RNF157: variants seen among roughly 807,000 people sequenced by gnomAD.
The protein encoded by RNF157 is ring finger protein 157.
A neutral mutation model predicts 88.3 loss-of-function variants in RNF157; 55 were observed. The observed-to-expected ratio is 0.62, with a 90% CI of 0.50 to 0.78. The LOEUF (loss-of-function observed/expected upper bound fraction) is 0.78. Ranked by LOEUF, RNF157 falls within the 30% of genes least tolerant of loss-of-function variation. The probability of loss-of-function intolerance (pLI) is 0.00; values close to 1 mark genes in which losing one functional copy is unlikely to be tolerated. For synonymous variants in RNF157, 334 were observed against 341.2 expected, an observed-to-expected ratio of 0.98 and a Z score of 0.23; for missense variants, 788 against 860.8, an observed-to-expected ratio of 0.92 and a Z score of 1.06.
chr17:76,159,654 A>C, intron 11 of RNF157, 81 bp from the exon 12 acceptor site: 5 of 1,012,170 alleles, frequency 4.9e-6, no homozygotes, highest in Non-Finnish European at 7.6e-6. Context: ...CTCTACACTG[A>C]AAAAAATGTT....
chr17:76,159,218 G>T, intron 12 of RNF157, 117 bp downstream of exon 12: 1 of 851,544 alleles, frequency 1.2e-6, no homozygotes, highest in Non-Finnish European at 1.9e-6. Flanking sequence ...GCAGCTCTGG[G>T]AACAGCCCAG....
chr17:76,202,122 T>TCA (rs2069590698), intron 2 of RNF157, among the ~76,000 whole-genome samples: 1 of 139,688 alleles, frequency 7.2e-6, no homozygotes, highest in African/African-American at 2.9e-5. Context: ...TCTCTCTCTC[T>TCA]CTCTCTCACA....
chr17:76,187,604 T>G (rs1258145644), intron 2 of RNF157, among the ~76,000 whole-genome samples: 1 of 151,920 alleles, frequency 6.6e-6, no homozygotes, highest in Non-Finnish European at 1.5e-5. Context: ...ATTTATTTAT[T>G]TTTTTCTGAG....
Position 76,161,641 on chromosome 17 carries a change from C to G in RNF157, c.959G>C (p.Arg320Pro). The change falls in exon 11 of 19, where the codon CGG becomes CCG. Residue 320 changes from arginine (R) to proline (P), a missense_variant. By Grantham distance (103) the Arg-to-Pro change is moderately radical (BLOSUM62 -2). Coordinates refer to ENST00000269391, the MANE Select transcript of RNF157 (RefSeq NM_052916.3). The surrounding 1 kb of genome is among the most constrained non-coding windows in gnomAD (Gnocchi z 4.6). ...CATGGCTCGGATCTGAAGCAGTGCC[C>G]GGAAGGCTGTGAAGGAGAAAACAGG... ...NNCPICRLPF[R>P]ALLQIRAMRK... 6.2e-7 allele frequency: 1 copy of G among 1,613,530 alleles called. No individual in the cohort carries two copies. The highest frequency in any genetic ancestry group is 8.5e-7 in the Non-Finnish European group (1 of 1,179,656).
chr17:76,146,415 A>G lies in RNF157; in HGVS notation c.1922-1062T>C, dbSNP rs1448964654. 1 of 985,392 alleles carries G rather than the reference A, an allele frequency of 1.0e-6. No homozygotes were observed. The highest frequency in any genetic ancestry group is 1.7e-5 in the African/African-American group (1 of 57,194). 61.0% of individuals were successfully genotyped at this position (985,392 alleles called of 1,614,324 possible). A position where few individuals can be genotyped will look rare whatever the true frequency, so the allele number is the denominator to read the frequency against. ...CGCCTCTCCCCTGGGAGTCCTCTTC[A>G]TCTCCTGCCCACAGATGAGCTCCTC... is the stretch of plus-strand genomic sequence containing the variant. On this transcript the variant is annotated intron_variant, in intron 18 of 18. Coordinates refer to ENST00000269391, the MANE Select transcript of RNF157 (RefSeq NM_052916.3). The surrounding 1 kb of genome is among the most constrained non-coding windows in gnomAD (Gnocchi z 4.2).
At chr17:76,234,894 C>A (rs2070255492) in intron 1 of RNF157, among the ~76,000 whole-genome samples, 1 of 152,022 alleles carries the variant, frequency 6.6e-6, no homozygotes. Context: ...TTGCTCATCC[C>A]AGCATCATTT....
In RNF157 at chr17:76,166,919, C is replaced by T. The variant is rs1056218206; in HGVS notation, c.561+90G>A. ...AAGGTAAGCATGGCCTTCAAGCATC[C>T]GAGCAGCCCCTTTGCTGTCAGACCG... On this transcript the variant is annotated intron_variant, in intron 5 of 18. Transcript: ENST00000269391. 6 of 807,778 alleles carry T rather than the reference C, an allele frequency of 7.4e-6. 1 individual carries two copies. Among genetic ancestry groups the T allele is most frequent in the South Asian group, 5.0e-5 (3 of 60,236 alleles). 50.0% of individuals were successfully genotyped at this position (807,778 alleles called of 1,614,324 possible).
At chr17:76,188,946 G>A (rs2069338086) in intron 2 of RNF157, among the ~76,000 whole-genome samples, 1 of 152,064 alleles carries the variant, frequency 6.6e-6, no homozygotes, top group Non-Finnish European at 1.5e-5. Flanking sequence ...CTATAATCCT[G>A]GTCTTTTGAT....
At chr17:76,232,986 T>A (rs2070220001) in intron 1 of RNF157, among the ~76,000 whole-genome samples, 1 of 151,986 alleles carries the variant, frequency 6.6e-6, no homozygotes, top group African/African-American at 2.4e-5. Context: ...AGTGGCCCAG[T>A]CTCCGCTCAC....
rs1320001881 is a variant in RNF157 at position 76,159,460 on chromosome 17, G to A, written c.1179C>T (p.His393=). The A allele has an allele frequency of 6.2e-7, 1 of 1,611,960 alleles. No homozygotes were observed. The highest frequency in any genetic ancestry group is 8.5e-7 in the Non-Finnish European group (1 of 1,179,260). Reference sequence around the variant, plus strand: ...CATATGAAGGGAGCATTCCTGAGAGGTGGCCATCTCCAAGCACGTGAAGTG... The same window carrying A: ...CATATGAAGGGAGCATTCCTGAGAGATGGCCATCTCCAAGCACGTGAAGTG... ...VPPLHVLGDG[H]LSGMLPSYGS... Residue 393 remains histidine, a synonymous_variant, in exon 12 of 19, where the codon CAC becomes CAT. Transcript: ENST00000269391.
rs752606884 is a variant in RNF157 at position 76,164,797 on chromosome 17, T to C, written c.673-2A>G. The C allele has an allele frequency of 6.2e-7, 1 of 1,610,024 alleles. No homozygotes were observed. The highest frequency in any genetic ancestry group is 1.1e-5 in the South Asian group (1 of 90,808). On this transcript the variant is annotated splice_acceptor_variant, in intron 7 of 18. Coordinates refer to ENST00000269391, the MANE Select transcript of RNF157 (RefSeq NM_052916.3). LOFTEE classifies it high-confidence loss of function. ...GACACAGAAAGTTCCATCTGTGTGC[T>C]GGAATGAAAATATGAAAGTTATGAC...
At chr17:76,226,774 C>CA (rs1394161492) in intron 1 of RNF157, 10 of 1,573,300 alleles carry the variant, frequency 6.4e-6, no homozygotes, top group Non-Finnish European at 6.9e-6. Flanking sequence ...CCCCCACCAA[C>CA]ACCTCGTTGC....
chr17:76,184,556 C>T (rs2069249751), intron 2 of RNF157, among the ~76,000 whole-genome samples: 1 of 152,146 alleles, frequency 6.6e-6, no homozygotes, highest in Non-Finnish European at 1.5e-5. Flanking sequence ...CCAGATTCAT[C>T]CCTGAGACAG....
chr17:76,212,772 G>A (rs72868727), intron 1 of RNF157, among the ~76,000 whole-genome samples: 15,302 of 152,158 alleles, frequency 0.1, 960 homozygotes, highest in Admixed American at 0.17. Context: ...TGAGGCAGGA[G>A]GATGGCTTGA....
chr17:76,230,026 T>C (rs1007103677), intron 1 of RNF157, among the ~76,000 whole-genome samples: 6 of 152,126 alleles, frequency 3.9e-5, no homozygotes, highest in African/African-American at 1.4e-4. Flanking sequence ...TCCCCACAAA[T>C]CATTAGTAAA....
chr17:76,220,572 C>A (rs1401192501), intron 1 of RNF157, among the ~76,000 whole-genome samples: 1 of 152,104 alleles, frequency 6.6e-6, no homozygotes, highest in East Asian at 1.9e-4. Flanking sequence ...CACCTGTAAT[C>A]CCAGCACTTG....
intron 2 of RNF157, chr17:76,175,661 G>A (rs2069091128): frequency 5.1e-6 from 3 of 588,924 alleles, no homozygotes; most frequent in Non-Finnish European, 6.4e-6. Flanking sequence ...CAAAATAAAT[G>A]ACTTTGGGAT....
At chr17:76,217,060 A>G (rs1018676980) in intron 1 of RNF157, among the ~76,000 whole-genome samples, 1 of 152,242 alleles carries the variant, frequency 6.6e-6, no homozygotes, top group East Asian at 1.9e-4. Flanking sequence ...CAATCACTCA[A>G]TAATTCTTTA....
intron 1 of RNF157, among the ~76,000 whole-genome samples, chr17:76,237,654 C>T (rs990086829): frequency 6.6e-6 from 1 of 152,114 alleles, no homozygotes; most frequent in Non-Finnish European, 1.5e-5. Flanking sequence ...GGCTGAGAGA[C>T]CCTGGCCATA....
Sources: gnomAD v4.1 joint callset for allele counts (sites outside exome capture counted in the v4.1 genomes callset) on GRCh38, gnomAD v4.1.1 for gene constraint, Gnocchi (gnomAD v3.1) non-coding constraint, MANE v1.5 for transcripts, NCBI Gene and HGNC (gene_info 2026-07-23, HGNC 2026-07-21) for gene names.